DPP10: variants seen among roughly 807,000 people sequenced by gnomAD.
The protein encoded by DPP10 is dipeptidyl peptidase like 10.
A neutral mutation model predicts 120.9 loss-of-function variants in DPP10; 33 were observed. The ratio of observed to expected loss-of-function variants is 0.27; its 90% confidence interval spans 0.21 to 0.37. The LOEUF (loss-of-function observed/expected upper bound fraction) is 0.37. Ranked by LOEUF, DPP10 falls within the 10% of genes least tolerant of loss-of-function variation. The pLI is 1.00. For synonymous variants in DPP10, 337 were observed against 326.1 expected, an observed-to-expected ratio of 1.03 and a Z score of -0.36; for missense variants, 816 against 942.8, an observed-to-expected ratio of 0.87 and a Z score of 1.76.
intron 5 of DPP10, among the ~76,000 whole-genome samples, chr2:115,680,788 G>A (rs2090599025): frequency 6.6e-6 from 1 of 151,804 alleles, no homozygotes; most frequent in Admixed American, 6.6e-5. Context: ...AGGGTAAAAT[G>A]TTTACTACAT....
intron 1 of DPP10, among the ~76,000 whole-genome samples, chr2:114,485,030 G>A (rs1049008186): frequency 6.6e-6 from 1 of 151,758 alleles, no homozygotes; most frequent in Non-Finnish European, 1.5e-5. Context: ...AAACTGAGGA[G>A]AGAAACTAGA....
Position 115,352,224 on chromosome 2 carries a change from T to C in DPP10, c.271+8312T>C, listed in dbSNP as rs937812221. On this transcript the variant is annotated intron_variant, in intron 3 of 25. Coordinates refer to ENST00000410059, the MANE Select transcript of DPP10 (RefSeq NM_020868.6). ...AGCTAAATATTTATGTTACCACTTA[T>C]TTCTTGAAATATAAAACTATATTTT... 5.9e-5 allele frequency among the ~76,000 whole-genome samples: 9 copies of C among 152,122 alleles called. No individual in the cohort carries two copies. In the East Asian group the frequency reaches 1.7e-3, roughly 29 times the overall value.
At chr2:115,765,687 G>C (rs1004331766) in intron 12 of DPP10, among the ~76,000 whole-genome samples, 2 of 152,104 alleles carry the variant, frequency 1.3e-5, no homozygotes, top group African/African-American at 4.8e-5. Context: ...AGACGAAAAA[G>C]TTGTTCCAGA....
rs183968273 is a variant in DPP10, at chr2:114,989,967, A to G, written c.61-319272A>G. ...ATAATGGATCCAGTGGTAGAATGAAAGATTCAGTTTCCTTAACTTGCCATA... is the reference window on the plus strand; with the variant it reads ...ATAATGGATCCAGTGGTAGAATGAAGGATTCAGTTTCCTTAACTTGCCATA... On this transcript the variant is annotated intron_variant, in intron 1 of 25. Transcript: ENST00000410059. Among the ~76,000 whole-genome samples the G allele has an allele frequency of 2.4e-4, 37 of 152,310 alleles. 1 individual carries two copies. In the East Asian group the frequency reaches 7.0e-3, roughly 29 times the overall value.
chr2:115,170,667 A>C (rs1044856230), intron 1 of DPP10, among the ~76,000 whole-genome samples: 5 of 152,200 alleles, frequency 3.3e-5, no homozygotes, highest in Admixed American at 1.3e-4. Flanking sequence ...TTTGAAGCCA[A>C]ACCCAACATC....
intron 5 of DPP10, among the ~76,000 whole-genome samples, chr2:115,629,523 T>C (rs1013076785): frequency 8.5e-5 from 13 of 152,218 alleles, no homozygotes; most frequent in Admixed American, 3.3e-4. Flanking sequence ...TGGTGTGAGA[T>C]GGTATCTCAT....
intron 1 of DPP10, among the ~76,000 whole-genome samples, chr2:114,894,691 A>G (rs1692822338): frequency 6.6e-6 from 1 of 152,178 alleles, no homozygotes; most frequent in Non-Finnish European, 1.5e-5. Flanking sequence ...ACCTGATTTT[A>G]TAAGGTAAGC....
rs536769398 is a variant in DPP10 at position 114,633,571 on chromosome 2, A to G, written c.60+190733A>G. On this transcript the variant is annotated intron_variant, in intron 1 of 25. Transcript: ENST00000410059. ...ACCTGGCCAGCTGGTTTTTCTTTTT[A>G]TTACACTGAAGATCTAACTTTTTGT... 7.3e-5 allele frequency among the ~76,000 whole-genome samples: 11 copies of G among 150,226 alleles called. 1 individual carries two copies. The highest frequency in any genetic ancestry group is 1.7e-4 in the African/African-American group (7 of 40,674).
At chr2:114,964,955 A>G (rs1047178762) in intron 1 of DPP10, among the ~76,000 whole-genome samples, 1 of 152,174 alleles carries the variant, frequency 6.6e-6, no homozygotes, top group Non-Finnish European at 1.5e-5. Flanking sequence ...AGATTTTTGG[A>G]TATAAGAATA....
chr2:115,132,778 C>T (rs188459211), intron 1 of DPP10, among the ~76,000 whole-genome samples: 200 of 152,128 alleles, frequency 1.3e-3, no homozygotes, highest in Middle Eastern at 3.4e-3. Context: ...ATTTTACTTA[C>T]GGTTTACAGA....
chr2:115,518,060 C>A (rs1228811793), intron 4 of DPP10, among the ~76,000 whole-genome samples: 1 of 152,122 alleles, frequency 6.6e-6, no homozygotes. Flanking sequence ...GAGGACGTGC[C>A]AGGCTCTTTT....
chr2:115,476,625 C>A (rs1346349057), intron 3 of DPP10, among the ~76,000 whole-genome samples: 1 of 152,074 alleles, frequency 6.6e-6, no homozygotes, highest in Non-Finnish European at 1.5e-5. Flanking sequence ...AAGGATATGG[C>A]ACTAAGCAAT....
intron 1 of DPP10, among the ~76,000 whole-genome samples, chr2:115,035,157 A>G (rs1704139154): frequency 6.6e-6 from 1 of 152,202 alleles, no homozygotes; most frequent in African/African-American, 2.4e-5. Flanking sequence ...CCTATGCTCT[A>G]TGCCTTCTCT....
rs1394791272 is a variant in DPP10, at chr2:115,011,860, A to G, written c.61-297379A>G. On this transcript the variant is annotated intron_variant, in intron 1 of 25. Transcript: ENST00000410059. ...AACCTGTGAGTCTGCTTGCTTTTTC[A>G]ATGGGGAGGTTCCTGGTCTGGGGCC... Among the ~76,000 whole-genome samples, 7 of 151,962 alleles carry G rather than the reference A, an allele frequency of 4.6e-5. 1 individual carries two copies. The East Asian group carries it at 1.4e-3, about 30-fold the overall frequency.
At chr2:115,379,296 G>C (rs867039126) in intron 3 of DPP10, among the ~76,000 whole-genome samples, 4 of 152,080 alleles carry the variant, frequency 2.6e-5, no homozygotes, top group Non-Finnish European at 4.4e-5. Context: ...TGTATGTGTC[G>C]AGGAATTTAT....
Position 115,487,256 on chromosome 2 carries a change from A to C in DPP10, c.272-12254A>C, listed in dbSNP as rs557479973. 3.7e-5 allele frequency among the ~76,000 whole-genome samples: 5 copies of C among 135,888 alleles called. No homozygotes were observed. In the East Asian group the frequency reaches 1.1e-3, roughly 30 times the overall value. The allele number at this position is 135,888 out of a possible 152,430, so 89.1% of individuals were successfully genotyped here. A position where few individuals can be genotyped will look rare whatever the true frequency, so the allele number is the denominator to read the frequency against. Reference sequence around the variant, plus strand: ...ACACAAACAAATGGAAGAACATTCCATGCTCATGGGTAGGAAGAATCAATA... The same window carrying C: ...ACACAAACAAATGGAAGAACATTCCCTGCTCATGGGTAGGAAGAATCAATA... On this transcript the variant is annotated intron_variant, in intron 3 of 25. Transcript: ENST00000410059.
At chr2:115,490,044 C>T (rs960870748) in intron 3 of DPP10, among the ~76,000 whole-genome samples, 2 of 152,142 alleles carry the variant, frequency 1.3e-5, no homozygotes, top group Non-Finnish European at 2.9e-5. Flanking sequence ...ATCTTTGACC[C>T]CACTGATGAC....
chr2:114,580,906 C>T (rs1187393484), intron 1 of DPP10, among the ~76,000 whole-genome samples: 1 of 152,012 alleles, frequency 6.6e-6, no homozygotes, highest in Non-Finnish European at 1.5e-5. Flanking sequence ...GCCATGATCC[C>T]CCGAGGCCAT....
At chr2:115,340,403 A>G (rs184461712) in intron 2 of DPP10, among the ~76,000 whole-genome samples, 10 of 152,220 alleles carry the variant, frequency 6.6e-5, no homozygotes, top group Middle Eastern at 3.4e-3. Flanking sequence ...ATTAATGTAC[A>G]TAAAATGAGG....
Sources: gnomAD v4.1 joint callset for allele counts (sites outside exome capture counted in the v4.1 genomes callset) on GRCh38, gnomAD v4.1.1 for gene constraint, MANE v1.5 for transcripts, NCBI Gene and HGNC (gene_info 2026-07-23, HGNC 2026-07-21) for gene names.